The following PCDH11X variants were observed in gnomAD, a reference collection of about 807,000 sequenced individuals.
PCDH11X encodes protocadherin 11 X-linked, also known as protocadherin-11 X-linked.
Under a neutral mutation model 53.3 loss-of-function variants are expected in PCDH11X, and 18 were observed. The ratio of observed to expected loss-of-function variants is 0.34; its 90% CI spans 0.23 to 0.50. The LOEUF is 0.50. Ranked by LOEUF, PCDH11X falls within the 20% of genes least tolerant of loss-of-function variation. PCDH11X has a pLI of 0.98. For synonymous variants in PCDH11X, 279 were observed against 393.3 expected, an observed-to-expected ratio of 0.71 and a Z score of 3.44; for missense variants, 570 against 1,032.4, an observed-to-expected ratio of 0.55 and a Z score of 6.14.
intron 6 of PCDH11X, among the ~76,000 whole-genome samples, chrX:91,961,926 C>T (rs1456701090): frequency 2.7e-5 from 3 of 110,806 alleles, no homozygotes; most frequent in South Asian, 3.9e-4. Flanking sequence ...CATCAGATCT[C>T]GTGAGAACTC....
intron 6 of PCDH11X, among the ~76,000 whole-genome samples, chrX:91,969,971 T>C (rs1319058557): frequency 7.3e-5 from 8 of 110,163 alleles, no homozygotes; most frequent in Non-Finnish European, 1.5e-4. Context: ...GTAAAATAAG[T>C]ATAATAATGT....
At chrX:92,539,767 G>A (rs1298252645) in intron 10 of PCDH11X, among the ~76,000 whole-genome samples, 2 of 111,811 alleles carry the variant, frequency 1.8e-5, no homozygotes, top group African/African-American at 6.5e-5. Context: ...TATTCTAAGG[G>A]AATTGGGTAC....
At chrX:91,911,996 T>A (rs1356792097) in intron 6 of PCDH11X, among the ~76,000 whole-genome samples, 2 of 111,708 alleles carry the variant, frequency 1.8e-5, no homozygotes, top group African/African-American at 6.5e-5. Flanking sequence ...TAGAGATCTT[T>A]AACTTCTTTA....
intron 10 of PCDH11X, among the ~76,000 whole-genome samples, chrX:92,589,132 A>C (rs909755300): frequency 8.9e-6 from 1 of 111,946 alleles, no homozygotes; most frequent in Non-Finnish European, 1.9e-5. Flanking sequence ...GGAGAAATAA[A>C]GACTTTTGTA....
At chrX:92,473,383 A>G (rs1177286648) in intron 10 of PCDH11X, among the ~76,000 whole-genome samples, 17 of 111,571 alleles carry the variant, frequency 1.5e-4, no homozygotes, top group South Asian at 3.7e-4. Context: ...AATTTTGTTT[A>G]AATTTAACAA....
chrX:92,419,275 C>CT (rs200748988), intron 9 of PCDH11X, among the ~76,000 whole-genome samples: 1,944 of 88,866 alleles, frequency 0.022, 64 homozygotes, highest in African/African-American at 0.073. Context: ...TTTTTTTGTT[C>CT]TTTTTTTTTT....
At chrX:92,250,040 G>A (rs952553357) in intron 7 of PCDH11X, among the ~76,000 whole-genome samples, 2 of 111,085 alleles carry the variant, frequency 1.8e-5, no homozygotes, top group African/African-American at 6.5e-5. Context: ...CTAACGGAGG[G>A]AATTTCCTTA....
At chrX:92,359,559 C>T (rs1162013139) in intron 8 of PCDH11X, among the ~76,000 whole-genome samples, 3 of 110,836 alleles carry the variant, frequency 2.7e-5, no homozygotes, top group Middle Eastern at 4.2e-3. Flanking sequence ...TGTTTTCAGC[C>T]GACCTAATAT....
At chrX:92,209,539 C>A (rs1319359004) in intron 7 of PCDH11X, among the ~76,000 whole-genome samples, 1 of 112,520 alleles carries the variant, frequency 8.9e-6, no homozygotes, top group African/African-American at 3.2e-5. Context: ...CTTGGGCATC[C>A]CCACTCCTGC....
At chrX:92,242,400 T>G (rs2067277654) in intron 7 of PCDH11X, among the ~76,000 whole-genome samples, 1 of 111,108 alleles carries the variant, frequency 9.0e-6, no homozygotes, top group African/African-American at 3.3e-5. Context: ...GGATCGGCTT[T>G]TTCACTTAGC....
At chrX:92,267,361 C>T (rs1048960335) in intron 8 of PCDH11X, among the ~76,000 whole-genome samples, 4 of 112,089 alleles carry the variant, frequency 3.6e-5, no homozygotes, top group Non-Finnish European at 3.8e-5. Flanking sequence ...TCCGATTTCT[C>T]TATATCTGCC....
Position 91,835,584 on chromosome X carries a change from A to C in PCDH11X, c.80A>C (p.Asn27Thr). ...VVFHSGAQEK[N>T]YTIREEMPEN... The stretch of plus-strand genomic sequence containing the variant: ...TTCCACTCTGGCGCCCAGGAGAAAA[A>C]CTACACCATCCGAGAAGAAATGCCA... Residue 27 changes from asparagine to threonine, a missense_variant, in exon 5 of 11, where the codon AAC (asparagine) becomes ACC (threonine). By Grantham distance (65) the Asn-to-Thr change is moderately conservative. Transcript: ENST00000682573. 8.3e-7 allele frequency: 1 copy of C among 1,211,252 alleles called. No homozygotes were observed. Among genetic ancestry groups the C allele is most frequent in the Non-Finnish European group, 1.1e-6 (1 of 895,414 alleles).
intron 1 of PCDH11X, among the ~76,000 whole-genome samples, chrX:91,807,176 CAAAAAAA>C (rs1218341876): frequency 1.3e-3 from 42 of 32,296 alleles, no homozygotes; most frequent in African/African-American, 3.6e-3. Context: ...CTCATCTCTA[CAAAAAAA>C]AAAAAAAAAA....
chrX:92,500,460 G>A (rs2073941309), intron 10 of PCDH11X, among the ~76,000 whole-genome samples: 1 of 110,350 alleles, frequency 9.1e-6, no homozygotes, highest in Admixed American at 9.7e-5. Flanking sequence ...TTAACATCAG[G>A]GATGATCTAA....
chrX:91,805,280 T>C (rs1400473129), intron 1 of PCDH11X, among the ~76,000 whole-genome samples: 20 of 110,436 alleles, frequency 1.8e-4, no homozygotes, highest in Non-Finnish European at 2.7e-4. Flanking sequence ...AAAGGGAAAT[T>C]CATCATCCAA....
chrX:92,016,420 G>A (rs1316664323), intron 6 of PCDH11X, among the ~76,000 whole-genome samples: 1 of 109,160 alleles, frequency 9.2e-6, no homozygotes, highest in Non-Finnish European at 1.9e-5. Flanking sequence ...ATATAAGGCT[G>A]CTTCATCTAC....
At chrX:92,132,323 A>T (rs568874138) in intron 6 of PCDH11X, among the ~76,000 whole-genome samples, 1 of 77,247 alleles carries the variant, frequency 1.3e-5, no homozygotes, top group East Asian at 4.2e-4. Flanking sequence ...AAAAAAAAAA[A>T]AGCCAGGCGC....
At chrX:92,587,759 A>G (rs1196391115) in intron 10 of PCDH11X, among the ~76,000 whole-genome samples, 1 of 107,466 alleles carries the variant, frequency 9.3e-6, no homozygotes, top group Non-Finnish European at 1.9e-5. Flanking sequence ...TCTGAAATCT[A>G]TTCTTTGCAG....
chrX:92,126,032 CAGA>C (rs1489173796), intron 6 of PCDH11X, among the ~76,000 whole-genome samples: 2 of 109,870 alleles, frequency 1.8e-5, no homozygotes, highest in African/African-American at 6.6e-5. Flanking sequence ...GAGGCTGAGG[CAGA>C]AGAATTGCTT....
Sources: allele counts gnomAD v4.1 joint callset (sites outside exome capture counted in the v4.1 genomes callset), GRCh38; gene constraint gnomAD v4.1.1; transcripts MANE v1.5; gene names NCBI Gene and HGNC (gene_info 2026-07-23, HGNC 2026-07-21).